AP1G1: variants seen among roughly 807,000 people sequenced by gnomAD.
AP1G1 encodes AP-1 complex subunit gamma-1.
AP1G1 carries 7 observed loss-of-function variants against 108.3 expected under a neutral mutation model. The ratio of observed to expected loss-of-function variants is 0.06; its 90% CI spans 0.04 to 0.12. The LOEUF (loss-of-function observed/expected upper bound fraction) is 0.12, where lower values mean the gene tolerates loss of function less well. Ranked by LOEUF, AP1G1 falls within the 10% of genes least tolerant of loss-of-function variation. The probability of loss-of-function intolerance (pLI) is 1.00; values close to 1 mark genes in which losing one functional copy is unlikely to be tolerated. For missense variants in AP1G1, 756 were observed against 1,010.7 expected, an observed-to-expected ratio of 0.75 and a Z score of 3.42; for synonymous variants, 379 against 353.5, an observed-to-expected ratio of 1.07 and a Z score of -0.81.
chr16:71,753,659 C>T (rs1036171421), intron 13 of AP1G1, 174 bp downstream of exon 13: 1 of 654,900 alleles, frequency 1.5e-6, no homozygotes, highest in Non-Finnish European at 2.7e-6. Context: ...ATCCTGCCAT[C>T]ATTATATTCC....
At chr16:71,741,171 AAT>A (rs1273289991) in intron 19 of AP1G1, among the ~76,000 whole-genome samples, 1 of 152,242 alleles carries the variant, frequency 6.6e-6, no homozygotes, top group African/African-American at 2.4e-5. Flanking sequence ...ATTAACTGAA[AAT>A]ATGCCATTTA....
At position 71,756,178 on chromosome 16, in the gene AP1G1, T is replaced by C. The variant is rs749382715; in HGVS notation, c.1089-19A>G. The stretch of plus-strand genomic sequence containing the variant: ...TGCACGCCTTGCAGAAGGGAAAAAT[T>C]AAAAACAGTTAAGAAATTTATAGTG... On this transcript the variant is annotated intron_variant, in intron 11 of 22. Transcript: ENST00000299980. 5.0e-6 allele frequency: 8 copies of C among 1,598,484 alleles called. No homozygotes were observed. Among genetic ancestry groups the C allele is most frequent in the Non-Finnish European group, 6.8e-6 (8 of 1,174,166 alleles).
intron 1 of AP1G1, among the ~76,000 whole-genome samples, chr16:71,803,253 A>G (rs1415968612): frequency 6.6e-6 from 1 of 152,174 alleles, no homozygotes; most frequent in Non-Finnish European, 1.5e-5. Flanking sequence ...GTTTTTATTT[A>G]TAAATTACAA....
chr16:71,739,759 AAAAGTAAAG>A (rs1451588080), intron 19 of AP1G1, among the ~76,000 whole-genome samples: 1 of 151,936 alleles, frequency 6.6e-6, no homozygotes, highest in East Asian at 1.9e-4. Flanking sequence ...AAAAAAAAAA[AAAAGTAAAG>A]AGAGAGAGCC....
chr16:71,800,133 G>T (rs1338945772), intron 1 of AP1G1, among the ~76,000 whole-genome samples: 5 of 150,768 alleles, frequency 3.3e-5, no homozygotes, highest in Admixed American at 2.0e-4. Flanking sequence ...GGGAGGCCGA[G>T]GCAGGTGGAT....
At chr16:71,779,359 G>A (rs2031915837) in intron 2 of AP1G1, among the ~76,000 whole-genome samples, 1 of 151,622 alleles carries the variant, frequency 6.6e-6, no homozygotes, top group African/African-American at 2.4e-5. Flanking sequence ...GGAGTAGGGG[G>A]GAGAGTCTCA....
chr16:71,771,711 T>C (rs1240578439), intron 4 of AP1G1, among the ~76,000 whole-genome samples: 1 of 152,204 alleles, frequency 6.6e-6, no homozygotes, highest in Non-Finnish European at 1.5e-5. Flanking sequence ...TTAAACATAA[T>C]TTATGTGGAG....
intron 2 of AP1G1, among the ~76,000 whole-genome samples, chr16:71,786,386 G>A (rs1162949779): frequency 6.6e-6 from 1 of 152,110 alleles, no homozygotes; most frequent in Non-Finnish European, 1.5e-5. Flanking sequence ...AGCACTTTGG[G>A]AGGTTGAGGC....
At chr16:71,801,909 G>A (rs1410385408) in intron 1 of AP1G1, among the ~76,000 whole-genome samples, 8 of 138,964 alleles carry the variant, frequency 5.8e-5, no homozygotes, top group South Asian at 2.2e-4. Context: ...GCGACAGGGC[G>A]AGACTCCGTA....
rs1480708874 is a variant in AP1G1, at chr16:71,733,079, A to G, written c.2448T>C (p.Phe816=). The stretch of plus-strand genomic sequence containing the variant: ...ACCCTCATTGCCAGGACTGAGGGGG[A>G]AAGTTGTTCACCTCTGCTAGATCTT... The part of the protein sequence containing the change: ...AMQDLAEVNN[F]PPQSWQ Residue 816 remains phenylalanine (F), a synonymous_variant, in exon 23 of 23, where the codon TTT becomes TTC. Transcript: ENST00000299980. 2 of 1,613,902 alleles carry G rather than the reference A, an allele frequency of 1.2e-6. No homozygotes were observed. Among genetic ancestry groups the G allele is most frequent in the East Asian group, 2.2e-5 (1 of 44,864 alleles).
rs58466690 is a variant in AP1G1 at position 71,760,230 on chromosome 16, CTT to C, written c.974+1280_974+1281del. Among the ~76,000 whole-genome samples, 1,262 of 129,926 alleles carry C rather than the reference CTT, an allele frequency of 9.7e-3. 17 individuals are homozygous for C. The highest frequency in any genetic ancestry group is 0.026 in the African/African-American group (924 of 35,304). 85.2% of individuals were successfully genotyped at this position (129,926 alleles called of 152,430 possible). A position where few individuals can be genotyped will look rare whatever the true frequency, so the allele number is the denominator to read the frequency against. On this transcript the variant is annotated intron_variant, in intron 10 of 22. Coordinates refer to ENST00000299980, the MANE Select transcript of AP1G1 (RefSeq NM_001128.6). Reference sequence around the variant, plus strand: ...GGTGCCACAATAATTATTTCCACATCTTTTTTTTTTTTTTTTTGAAACAGGGT... The same window carrying C: ...GGTGCCACAATAATTATTTCCACATCTTTTTTTTTTTTTTTGAAACAGGGT...
At chr16:71,802,154 AAGG>A (rs1238242195) in intron 1 of AP1G1, among the ~76,000 whole-genome samples, 2 of 152,172 alleles carry the variant, frequency 1.3e-5, no homozygotes, top group Non-Finnish European at 2.9e-5. Flanking sequence ...CTCAAAGTAA[AAGG>A]AGTTCCATTA....
At chr16:71,751,572 A>C (rs772395044) in intron 13 of AP1G1, among the ~76,000 whole-genome samples, 1 of 152,096 alleles carries the variant, frequency 6.6e-6, no homozygotes, top group Non-Finnish European at 1.5e-5. Context: ...GATCAGAAGG[A>C]AAGGTGAGAA....
chr16:71,790,089 T>C (rs1198763339), intron 1 of AP1G1, among the ~76,000 whole-genome samples: 1 of 87,434 alleles, frequency 1.1e-5, no homozygotes, highest in African/African-American at 4.4e-5. Flanking sequence ...GTCATGAATA[T>C]CTTTTAAAAG....
At chr16:71,734,511 C>CTA (rs1432952654) in intron 22 of AP1G1, 98 bp downstream of exon 22, 12 of 991,604 alleles carry the variant, frequency 1.2e-5, no homozygotes, top group Non-Finnish European at 1.9e-5. Context: ...TCTTCTCTAA[C>CTA]TATGAGTCAG....
intron 1 of AP1G1, chr16:71,807,672 T>G: frequency 1.6e-5 from 9 of 555,446 alleles, no homozygotes; most frequent in Non-Finnish European, 2.6e-5. Context: ...TTACAAGTAT[T>G]TTTTAGAATC....
chr16:71,758,736 C>A, intron 11 of AP1G1, 72 bp downstream of exon 11: 1 of 848,548 alleles, frequency 1.2e-6, no homozygotes, highest in South Asian at 1.5e-5. Context: ...ATGGCAGCGG[C>A]ATAGAGCTAT....
chr16:71,773,333 T>C lies in AP1G1; in HGVS notation c.356A>G (p.Gln119Arg). ...NDLNHSTQFV[Q>R]GLALCTLGCM... is the part of the protein sequence containing the mutation. Reference sequence around the variant, plus strand: ...GCCGAGGGTACAAAGTGCTAACCCCTGTACGAATTGCGTGCTATGATTAAG... The same window carrying C: ...GCCGAGGGTACAAAGTGCTAACCCCCGTACGAATTGCGTGCTATGATTAAG... Residue 119 changes from glutamine (Q) to arginine (R), a missense_variant, in exon 4 of 23, where the codon CAG becomes CGG. Physicochemically the swap from Gln to Arg is conservative, Grantham distance 43. Around this residue, in one of 3 missense-constraint regions of AP1G1, gnomAD observed 304 missense variants for 483.6 expected, o/e 0.63. Coordinates refer to ENST00000299980, the MANE Select transcript of AP1G1 (RefSeq NM_001128.6). The C allele has an allele frequency of 6.4e-7, 1 of 1,560,252 alleles. No individual in the cohort carries two copies. The highest frequency in any genetic ancestry group is 8.6e-7 in the Non-Finnish European group (1 of 1,161,182).
At chr16:71,752,242 C>T (rs2145440920) in intron 13 of AP1G1, among the ~76,000 whole-genome samples, 1 of 152,216 alleles carries the variant, frequency 6.6e-6, no homozygotes, top group East Asian at 1.9e-4. Context: ...TTAATTTCTC[C>T]CTTCTTTTGA....
Sources: gnomAD v4.1 joint callset for allele counts (sites outside exome capture counted in the v4.1 genomes callset) on GRCh38, gnomAD v4.1.1 for gene constraint, gnomAD v4.1.1 regional missense constraint, MANE v1.5 for transcripts, NCBI Gene and HGNC (gene_info 2026-07-23, HGNC 2026-07-21) for gene names.